MAGI2: variants seen among roughly 807,000 people sequenced by gnomAD.
MAGI2 encodes membrane associated guanylate kinase, WW and PDZ domain containing 2.
A neutral mutation model predicts 133.3 loss-of-function variants in MAGI2; 35 were observed. The ratio of observed to expected loss-of-function variants is 0.26; its 90% CI spans 0.20 to 0.35. The LOEUF (loss-of-function observed/expected upper bound fraction) is 0.35, where lower values mean the gene tolerates loss of function less well. Ranked by LOEUF, MAGI2 falls within the 10% of genes least tolerant of loss-of-function variation. The pLI is 1.00. For synonymous variants in MAGI2, 729 were observed against 710.6 expected, an observed-to-expected ratio of 1.03 and a Z score of -0.41; for missense variants, 1,636 against 1,863.4, an observed-to-expected ratio of 0.88 and a Z score of 2.25.
intron 2 of MAGI2, among the ~76,000 whole-genome samples, chr7:78,810,386 C>T (rs2151405437): frequency 6.6e-6 from 1 of 152,198 alleles, no homozygotes; most frequent in South Asian, 2.1e-4. Context: ...TTAAAAATTA[C>T]AATTACAACA....
chr7:78,388,597 A>G (rs1346735170), intron 6 of MAGI2, among the ~76,000 whole-genome samples: 1 of 152,190 alleles, frequency 6.6e-6, no homozygotes, highest in Non-Finnish European at 1.5e-5. Context: ...ATAAAGAGAC[A>G]TTTAGCTAAT....
At chr7:79,116,458 T>C (rs191260380) in intron 1 of MAGI2, among the ~76,000 whole-genome samples, 78 of 152,240 alleles carry the variant, frequency 5.1e-4, no homozygotes, top group African/African-American at 1.8e-3. Flanking sequence ...TCAGGATCCT[T>C]CCTGGGAGGC....
chr7:79,324,443 ATATATATGGTTATAGATAGAT>A (rs1839450386), intron 1 of MAGI2, among the ~76,000 whole-genome samples: 1 of 125,090 alleles, frequency 8.0e-6, no homozygotes, highest in African/African-American at 3.9e-5. Context: ...ATATAACCAT[ATATATATGGTTATAGATAGAT>A]ACGTTGTGTG....
At chr7:78,136,177 G>A (rs1461590419) in intron 16 of MAGI2, among the ~76,000 whole-genome samples, 1 of 150,520 alleles carries the variant, frequency 6.6e-6, no homozygotes, top group Non-Finnish European at 1.5e-5. Flanking sequence ...GTGCAGTGGC[G>A]CGATCCTGGC....
chr7:78,343,862 C>T lies in MAGI2; in HGVS notation c.1324G>A (p.Gly442Ser). The T allele has an allele frequency of 6.2e-7, 1 of 1,613,492 alleles. No individual in the cohort carries two copies. Among genetic ancestry groups the T allele is most frequent in the Non-Finnish European group, 8.5e-7 (1 of 1,179,744 alleles). Residue 442 changes from glycine to serine, a missense_variant, in exon 9 of 22, where the codon GGT becomes AGT. Physicochemically the swap from Gly to Ser is moderately conservative, Grantham distance 56. Around this residue, in one of 5 missense-constraint regions of MAGI2, gnomAD observed 920 missense variants for 1,093.5 expected, o/e 0.84. Coordinates refer to ENST00000354212, the MANE Select transcript of MAGI2 (RefSeq NM_012301.4). ...SNMGFGFTII[G>S]GDEPDEFLQV... ...AGAAACTCATCAGGCTCGTCTCCAC[C>T]AATGATGGTAAATCCAAAGCCCATG... is the stretch of plus-strand genomic sequence containing the variant.
At chr7:78,654,709 A>G (rs1293693512) in intron 2 of MAGI2, among the ~76,000 whole-genome samples, 410 of 3,332 alleles carry the variant, frequency 0.12, 9 homozygotes, top group African/African-American at 0.22. Flanking sequence ...ATATGTATAT[A>G]TATATATATA....
intron 10 of MAGI2, among the ~76,000 whole-genome samples, chr7:78,216,264 A>G (rs1020632554): frequency 1.3e-5 from 2 of 152,248 alleles, no homozygotes; most frequent in Non-Finnish European, 2.9e-5. Flanking sequence ...CTCATGTCCC[A>G]TGCTGCATCT....
chr7:79,002,878 T>C lies in MAGI2; in HGVS notation c.418+4212A>G, dbSNP rs1562773617. ...ATTGAAAAGTGTGTGTGTGTGTGTG[T>C]GTGTGTGTGTGTGTGTGTGTGTTGT... On this transcript the variant is annotated intron_variant, in intron 2 of 21. Coordinates refer to ENST00000354212, the MANE Select transcript of MAGI2 (RefSeq NM_012301.4). 2.0e-5 allele frequency among the ~76,000 whole-genome samples: 3 copies of C among 150,702 alleles called. No homozygotes were observed. The South Asian group carries it at 6.3e-4, about 32-fold the overall frequency.
At chr7:78,478,799 G>C (rs1978325) in intron 6 of MAGI2, among the ~76,000 whole-genome samples, 110,456 of 151,864 alleles carry the variant, frequency 0.73, 41,855 homozygotes, top group African/African-American at 0.93. Context: ...ATATCTTAGA[G>C]AGCACACCAG....
At chr7:79,315,325 A>G (rs112026525) in intron 1 of MAGI2, among the ~76,000 whole-genome samples, 6,002 of 92,480 alleles carry the variant, frequency 0.065, 293 homozygotes, top group African/African-American at 0.12. Flanking sequence ...TGCCCAGTTA[A>G]TTTTTTTTTT....
intron 1 of MAGI2, among the ~76,000 whole-genome samples, chr7:79,351,033 A>G (rs1176171684): frequency 2.0e-5 from 3 of 152,124 alleles, no homozygotes; most frequent in East Asian, 3.8e-4. Context: ...AGTCCTACAT[A>G]CCTAAAGAGT....
At chr7:78,535,618 GAACT>G (rs1797822588) in intron 3 of MAGI2, among the ~76,000 whole-genome samples, 1 of 151,560 alleles carries the variant, frequency 6.6e-6, no homozygotes, top group Non-Finnish European at 1.5e-5. Flanking sequence ...GGTGCAGGCT[GAACT>G]AACTTTGGGA....
intron 6 of MAGI2, among the ~76,000 whole-genome samples, chr7:78,382,986 C>A: frequency 6.6e-6 from 1 of 151,742 alleles, no homozygotes; most frequent in Non-Finnish European, 1.5e-5. Context: ...GTATATATAC[C>A]ACGTTTTCTG....
chr7:78,512,083 A>T (rs985108082), intron 4 of MAGI2, among the ~76,000 whole-genome samples: 6 of 151,788 alleles, frequency 4.0e-5, no homozygotes, highest in Non-Finnish European at 8.8e-5. Context: ...AGATCGTGCC[A>T]CTGCACTCCA....
intron 6 of MAGI2, among the ~76,000 whole-genome samples, chr7:78,464,445 T>G (rs566629021): frequency 1.3e-5 from 2 of 152,202 alleles, no homozygotes; most frequent in Non-Finnish European, 2.9e-5. Context: ...GTGTCAACCC[T>G]ACTGCTCATA....
chr7:79,320,061 G>A (rs914964871), intron 1 of MAGI2, among the ~76,000 whole-genome samples: 2 of 152,082 alleles, frequency 1.3e-5, no homozygotes, highest in Admixed American at 6.6e-5. Flanking sequence ...TCAGTGGTAT[G>A]TCTTGGACAT....
intron 1 of MAGI2, among the ~76,000 whole-genome samples, chr7:79,080,862 C>T (rs749634203): frequency 1.3e-5 from 2 of 152,074 alleles, no homozygotes; most frequent in Non-Finnish European, 2.9e-5. Flanking sequence ...CCTATTTGGT[C>T]TCTAGAGTAG....
intron 6 of MAGI2, among the ~76,000 whole-genome samples, chr7:78,433,101 G>A (rs2151436187): frequency 6.6e-6 from 1 of 152,136 alleles, no homozygotes; most frequent in Non-Finnish European, 1.5e-5. Context: ...AATAAGAATT[G>A]CCATTATAAA....
intron 21 of MAGI2, among the ~76,000 whole-genome samples, chr7:78,041,462 G>T (rs1469871071): frequency 6.6e-6 from 1 of 152,146 alleles, no homozygotes; most frequent in Non-Finnish European, 1.5e-5. Context: ...GATCTCTTGA[G>T]CCCAGGAGTT....
Sources: allele counts gnomAD v4.1 joint callset (sites outside exome capture counted in the v4.1 genomes callset), GRCh38; gene constraint gnomAD v4.1.1; regional missense constraint gnomAD v4.1.1; transcripts MANE v1.5; gene names NCBI Gene and HGNC (gene_info 2026-07-23, HGNC 2026-07-21).